TOM1L1: variants seen among roughly 807,000 people sequenced by gnomAD.
TOM1L1 encodes TOM1-like protein 1.
Under a neutral mutation model 63.4 loss-of-function variants are expected in TOM1L1, and 64 were observed. The ratio of observed to expected loss-of-function variants is 1.01; its 90% CI spans 0.83 to 1.24. The LOEUF (loss-of-function observed/expected upper bound fraction) is 1.24. Ranked by LOEUF, TOM1L1 falls within the 50% of genes most tolerant of loss-of-function variation. The pLI is 0.00. For missense variants in TOM1L1, 536 were observed against 567.0 expected, an observed-to-expected ratio of 0.95 and a Z score of 0.55; for synonymous variants, 166 against 194.4, an observed-to-expected ratio of 0.85 and a Z score of 1.22.
intron 3 of TOM1L1, among the ~76,000 whole-genome samples, chr17:54,906,275 C>T (rs1281917523): frequency 1.3e-5 from 2 of 152,086 alleles, no homozygotes; most frequent in African/African-American, 2.4e-5. Flanking sequence ...TCGAGACCAG[C>T]CTGACCAATA....
intron 12 of TOM1L1, among the ~76,000 whole-genome samples, chr17:54,947,632 A>T (rs931605276): frequency 6.6e-6 from 1 of 152,188 alleles, no homozygotes; most frequent in Non-Finnish European, 1.5e-5. Context: ...GCAACAAATG[A>T]CAAAGTTGAT....
chr17:54,933,604 C>T (rs1014002487), intron 8 of TOM1L1, among the ~76,000 whole-genome samples: 1 of 152,182 alleles, frequency 6.6e-6, no homozygotes, highest in African/African-American at 2.4e-5. Flanking sequence ...CTCACTGCAA[C>T]CTCCACCTCC....
At chr17:54,915,713 C>T (rs958865744) in intron 6 of TOM1L1, 33 bp from the exon 7 acceptor site, 26 of 1,452,778 alleles carry the variant, frequency 1.8e-5, no homozygotes, top group Admixed American at 8.0e-5. Flanking sequence ...CTTTGTGTGT[C>T]GCACTGACTG....
chr17:54,929,498 T>A (rs936488946), intron 7 of TOM1L1, among the ~76,000 whole-genome samples: 2 of 152,208 alleles, frequency 1.3e-5, no homozygotes, highest in Non-Finnish European at 2.9e-5. Flanking sequence ...AAATGTGATA[T>A]AACTATAAAC....
chr17:54,907,405 A>G (rs970387916), intron 3 of TOM1L1, among the ~76,000 whole-genome samples: 1 of 152,230 alleles, frequency 6.6e-6, no homozygotes, highest in African/African-American at 2.4e-5. Flanking sequence ...GCTATTACAT[A>G]GCATAGGCAA....
At chr17:54,937,404 A>G (rs2048967048) in intron 10 of TOM1L1, 178 bp downstream of exon 10, 2 of 592,526 alleles carry the variant, frequency 3.4e-6, no homozygotes, top group Non-Finnish European at 6.0e-6. Flanking sequence ...CAGTATAGCA[A>G]TGGGATGTGT....
In TOM1L1 at chr17:54,929,046, G is replaced by A. The variant is rs118111157; in HGVS notation, c.721-1027G>A. ...CTTTCTTGAGGGGAAAAAGTCAGCC[G>A]ATGTGATTGTGCAGTGTTTAAGGAA... On this transcript the variant is annotated intron_variant, in intron 7 of 15. Coordinates refer to ENST00000575882, the MANE Select transcript of TOM1L1 (RefSeq NM_005486.3). Among the ~76,000 whole-genome samples, 183 of 152,266 alleles carry A rather than the reference G, an allele frequency of 1.2e-3. 1 individual carries two copies. The highest frequency in any genetic ancestry group is 0.012 in the East Asian group (62 of 5,192).
chr17:54,936,787 C>T, intron 9 of TOM1L1, 78 bp downstream of exon 9: 2 of 1,304,128 alleles, frequency 1.5e-6, no homozygotes, highest in Non-Finnish European at 2.1e-6. Flanking sequence ...TTACCTAAAA[C>T]AAGTCTTAAA....
At chr17:54,915,060 A>C (rs1044994931) in intron 6 of TOM1L1, among the ~76,000 whole-genome samples, 2 of 152,152 alleles carry the variant, frequency 1.3e-5, no homozygotes, top group Non-Finnish European at 2.9e-5. Context: ...TTCTGGTAGG[A>C]CTGTCACATA....
At position 54,924,283 on chromosome 17, in the gene TOM1L1, CTTTTTTT is replaced by C. The variant is rs35210443; in HGVS notation, c.721-5782_721-5776del. On this transcript the variant is annotated intron_variant, in intron 7 of 15. Transcript: ENST00000575882. ...TTCTTTTTCTTTTCTTTTCTTTTTT[CTTTTTTT>C]TTTTTTTGAGATAGAGTCTGACTCT... 2.2e-5 allele frequency among the ~76,000 whole-genome samples: 3 copies of C among 137,538 alleles called. No individual in the cohort carries two copies. In the East Asian group the frequency reaches 6.2e-4, roughly 29 times the overall value. 90.2% of individuals were successfully genotyped at this position (137,538 alleles called of 152,430 possible).
At chr17:54,921,802 A>G (rs2048688750) in intron 7 of TOM1L1, among the ~76,000 whole-genome samples, 1 of 152,188 alleles carries the variant, frequency 6.6e-6, no homozygotes. Context: ...AACACATAGC[A>G]GTTATGAGCA....
At chr17:54,903,944 G>A in intron 2 of TOM1L1, 152 bp downstream of exon 2, 1 of 648,250 alleles carries the variant, frequency 1.5e-6, no homozygotes, top group Non-Finnish European at 2.6e-6. Context: ...TTGTCAGGTT[G>A]AAATATTGGG....
intron 14 of TOM1L1, among the ~76,000 whole-genome samples, chr17:54,956,605 A>G (rs1465195354): frequency 1.3e-5 from 2 of 151,880 alleles, no homozygotes; most frequent in Non-Finnish European, 2.9e-5. Flanking sequence ...CACCGTGCCT[A>G]GCCTTTTAAT....
At chr17:54,937,066 A>G (rs751464437) in intron 9 of TOM1L1, 43 bp from the exon 10 acceptor site, 4 of 1,492,074 alleles carry the variant, frequency 2.7e-6, no homozygotes, top group Middle Eastern at 1.7e-4. Flanking sequence ...GAAAGCTGTG[A>G]TAAACTACAT....
rs143595473 is a variant in TOM1L1 at position 54,917,919 on chromosome 17, C to T, written c.720+2057C>T. On this transcript the variant is annotated intron_variant, in intron 7 of 15. Transcript: ENST00000575882. ...TGCTACTAGTGCCTAGAAATAATAC[C>T]CTATCCCTCTGTCCCAATCATTGTT... is the stretch of plus-strand genomic sequence containing the variant. 3.7e-3 allele frequency among the ~76,000 whole-genome samples: 569 copies of T among 152,186 alleles called. 2 individuals are homozygous for T. The highest frequency in any genetic ancestry group is 0.013 in the African/African-American group (532 of 41,516).
chr17:54,944,890 C>A (rs753857919), intron 11 of TOM1L1, among the ~76,000 whole-genome samples: 4 of 152,022 alleles, frequency 2.6e-5, no homozygotes, highest in Admixed American at 1.3e-4. Flanking sequence ...TCTTTTGTTT[C>A]TTTCTCTTGG....
chr17:54,932,398 G>A (rs1023763361), intron 8 of TOM1L1, among the ~76,000 whole-genome samples: 1 of 152,076 alleles, frequency 6.6e-6, no homozygotes, highest in Non-Finnish European at 1.5e-5. Flanking sequence ...GTCAGGGGTC[G>A]ATCTTTAACT....
At chr17:54,930,252 T>A (rs763877536) in intron 8 of TOM1L1, 46 bp downstream of exon 8, 1 of 1,610,474 alleles carries the variant, frequency 6.2e-7, no homozygotes, top group Non-Finnish European at 8.5e-7. Flanking sequence ...ATTTCTACTT[T>A]CACCACCAAT....
chr17:54,961,476 A>T lies in TOM1L1; in HGVS notation c.*243A>T. On this transcript the variant is annotated 3_prime_UTR_variant, in exon 16 of 16. Transcript: ENST00000575882. ...AAATACTCACTTAAAACTTCAGCAG[A>T]AGAAAAATTACTTAGTCCTTAGGCC... The T allele has an allele frequency of 6.9e-7, 1 of 1,446,390 alleles. No individual in the cohort carries two copies. 89.6% of individuals were successfully genotyped at this position (1,446,390 alleles called of 1,614,324 possible). A position where few individuals can be genotyped will look rare whatever the true frequency, so the allele number is the denominator to read the frequency against.
Sources: gnomAD v4.1 joint callset for allele counts (sites outside exome capture counted in the v4.1 genomes callset) on GRCh38, gnomAD v4.1.1 for gene constraint, MANE v1.5 for transcripts, NCBI Gene and HGNC (gene_info 2026-07-23, HGNC 2026-07-21) for gene names.